Variants in ATP9B observed in about 807,000 individuals in gnomAD.
ATP9B encodes the protein probable phospholipid-transporting ATPase IIB.
Under a neutral mutation model 146.1 loss-of-function variants are expected in ATP9B, and 110 were observed. The observed-to-expected ratio is 0.75, with a 90% CI of 0.65 to 0.88. The LOEUF (loss-of-function observed/expected upper bound fraction) is 0.88, where lower values mean the gene tolerates loss of function less well. Ranked by LOEUF, ATP9B falls within the 40% of genes least tolerant of loss-of-function variation. The pLI, the probability that ATP9B is intolerant of heterozygous loss-of-function variation, is 0.00. For missense variants in ATP9B, 1,499 were observed against 1,496.4 expected (o/e 1.00, Z -0.03); for synonymous variants, 604 against 569.7 (o/e 1.06, Z -0.86).
At chr18:79,267,329 T>A (rs937099457) in intron 12 of ATP9B, among the ~76,000 whole-genome samples, 1 of 152,036 alleles carries the variant, frequency 6.6e-6, no homozygotes, top group African/African-American at 2.4e-5. Flanking sequence ...ACTCTTCCAA[T>A]AGGTTTGCCA....
chr18:79,082,262 T>A (rs1349002148), intron 1 of ATP9B, among the ~76,000 whole-genome samples: 1 of 152,246 alleles, frequency 6.6e-6, no homozygotes, highest in East Asian at 1.9e-4. Flanking sequence ...TCAGGTAATT[T>A]ATGTTCTTCT....
intron 5 of ATP9B, among the ~76,000 whole-genome samples, chr18:79,142,467 A>G (rs890307115): frequency 6.6e-6 from 1 of 152,198 alleles, no homozygotes. Context: ...GGTGAATTGG[A>G]TAGCTAGGAG....
Position 79,372,845 on chromosome 18 carries a change from A to C in ATP9B, c.3033A>C (p.Lys1011Asn). 1 of 1,611,940 alleles carries C rather than the reference A, an allele frequency of 6.2e-7. No homozygotes were observed. The change falls in exon 27 of 30, where the codon AAA becomes AAC. Residue 1011 changes from lysine (K) to asparagine (N), a missense_variant. Coordinates refer to ENST00000426216, the MANE Select transcript of ATP9B (RefSeq NM_198531.5). ...CCTAGGGAAGATCCTTGTCCTTCAAAACCTTCCTCATCTGGGTTTTAATAA... is the reference window on the plus strand; with the variant it reads ...CCTAGGGAAGATCCTTGTCCTTCAACACCTTCCTCATCTGGGTTTTAATAA... The part of the protein sequence containing the change: ...DLTKGRSLSF[K>N]TFLIWVLISI...
intron 1 of ATP9B, chr18:79,085,267 C>T (rs984071022): frequency 1.3e-5 from 2 of 152,214 alleles, no homozygotes; most frequent in African/African-American, 4.8e-5. Flanking sequence ...CACCCCCTAC[C>T]CCATGATTCA....
chr18:79,312,412 T>C (rs1223634021), intron 15 of ATP9B, among the ~76,000 whole-genome samples: 1 of 152,230 alleles, frequency 6.6e-6, no homozygotes, highest in Non-Finnish European at 1.5e-5. Flanking sequence ...ACTCGCTCGT[T>C]TGCTTCTTCT....
intron 15 of ATP9B, among the ~76,000 whole-genome samples, chr18:79,323,993 C>T (rs950594015): frequency 3.9e-5 from 6 of 152,210 alleles, no homozygotes; most frequent in Admixed American, 1.3e-4. Flanking sequence ...GCCGTTTTAA[C>T]TGGGGTGAGG....
rs562080185 is a variant in ATP9B at position 79,176,779 on chromosome 18, C to G, written c.779-34C>G. On this transcript the variant is annotated intron_variant, in intron 7 of 29. Transcript: ENST00000426216. ...TCAGGAAAAACCTTCTGTAACAATTCAAGAGTGGTAAATTTTTATTCTCTA... is the reference window on the plus strand; with the variant it reads ...TCAGGAAAAACCTTCTGTAACAATTGAAGAGTGGTAAATTTTTATTCTCTA... 7 of 1,580,794 alleles carry G rather than the reference C, an allele frequency of 4.4e-6. No homozygotes were observed. The African/African-American group carries it at 8.1e-5, about 18-fold the overall frequency.
chr18:79,236,838 C>T lies in ATP9B; in HGVS notation c.1108-16543C>T, dbSNP rs1457402261. 1.9e-3 allele frequency among the ~76,000 whole-genome samples: 262 copies of T among 141,348 alleles called. 1 individual carries two copies. The highest frequency in any genetic ancestry group is 3.2e-3 in the Non-Finnish European group (205 of 64,202). The allele number at this position is 141,348 out of a possible 152,430, so 92.7% of individuals were successfully genotyped here. A position where few individuals can be genotyped will look rare whatever the true frequency, so the allele number is the denominator to read the frequency against. The stretch of plus-strand genomic sequence containing the variant: ...TGCACGAGTCAGTGTCCACACCTGC[C>T]CCTTCCCCACTGTGTACACGGTCCG... On this transcript the variant is annotated intron_variant, in intron 11 of 29. Transcript: ENST00000426216.
chr18:79,376,096 G>A (rs960566262), intron 29 of ATP9B: 187 of 984,510 alleles, frequency 1.9e-4, no homozygotes, highest in Non-Finnish European at 2.2e-4. Flanking sequence ...ACCGGTCTGA[G>A]TATTTGTGTT....
intron 27 of ATP9B, among the ~76,000 whole-genome samples, chr18:79,373,459 C>T (rs1223606169): frequency 2.0e-5 from 3 of 148,128 alleles, no homozygotes; most frequent in African/African-American, 7.4e-5. Context: ...ACTTGTTCAT[C>T]AGCATGAAGC....
intron 1 of ATP9B, among the ~76,000 whole-genome samples, chr18:79,075,668 CTT>C (rs2072518918): frequency 6.6e-6 from 1 of 152,150 alleles, no homozygotes; most frequent in Non-Finnish European, 1.5e-5. Context: ...ATTTTCCATC[CTT>C]TCTCTCTCAA....
chr18:79,259,939 A>G lies in ATP9B; in HGVS notation c.1268+6398A>G, dbSNP rs537823145. On this transcript the variant is annotated intron_variant, in intron 12 of 29. Transcript: ENST00000426216. ...GTGTTTTCAACTTCTTTAGACCTAG[A>G]TTTGATATTCAGGTATTGATGATTT... Among the ~76,000 whole-genome samples, 5 of 152,224 alleles carry G rather than the reference A, an allele frequency of 3.3e-5. No individual in the cohort carries two copies. In the South Asian group the frequency reaches 1.0e-3, roughly 32 times the overall value.
chr18:79,242,372 G>A (rs115696678), intron 11 of ATP9B, among the ~76,000 whole-genome samples: 2,352 of 152,282 alleles, frequency 0.015, 69 homozygotes, highest in African/African-American at 0.054. Context: ...ACTGTCCCCC[G>A]TGGCACTGCA....
chr18:79,337,478 C>G (rs745718543), intron 19 of ATP9B, 29 bp downstream of exon 19: 1 of 1,593,758 alleles, frequency 6.3e-7, no homozygotes, highest in East Asian at 2.2e-5. Context: ...TGCTGGCGCG[C>G]GCTGCTTTTG....
chr18:79,323,595 T>C lies in ATP9B; in HGVS notation c.1774-5546T>C, dbSNP rs369058798. ...TGTGCCCGGCTGATTTCACTTAGCA[T>C]AATGTGCCCCTGTTCCATTCACATT... On this transcript the variant is annotated intron_variant, in intron 15 of 29. Coordinates refer to ENST00000426216, the MANE Select transcript of ATP9B (RefSeq NM_198531.5). Among the ~76,000 whole-genome samples, 366 of 152,356 alleles carry C rather than the reference T, an allele frequency of 2.4e-3. 1 individual carries two copies. Among genetic ancestry groups the C allele is most frequent in the South Asian group, 6.4e-3 (31 of 4,820 alleles).
chr18:79,295,255 A>G (rs2096539688), intron 13 of ATP9B, among the ~76,000 whole-genome samples: 1 of 152,228 alleles, frequency 6.6e-6, no homozygotes, highest in African/African-American at 2.4e-5. Flanking sequence ...TCACTGTTCA[A>G]ATCAACTGCC....
At chr18:79,349,933 C>T (rs551437171) in intron 25 of ATP9B, among the ~76,000 whole-genome samples, 49 of 143,352 alleles carry the variant, frequency 3.4e-4, no homozygotes, top group Admixed American at 2.7e-3. Context: ...CCCCAGGCTG[C>T]GCAGTTGTAT....
chr18:79,082,175 T>C (rs1366575506), intron 1 of ATP9B, among the ~76,000 whole-genome samples: 1 of 152,244 alleles, frequency 6.6e-6, no homozygotes. Flanking sequence ...ATCTCTGATA[T>C]AATTTCTTCC....
At chr18:79,105,355 T>A (rs1193219915) in intron 2 of ATP9B, among the ~76,000 whole-genome samples, 1 of 152,234 alleles carries the variant, frequency 6.6e-6, no homozygotes, top group Non-Finnish European at 1.5e-5. Context: ...ATGTTTGGAA[T>A]CTTGCAATAC....
Sources: gnomAD v4.1 joint callset for allele counts (sites outside exome capture counted in the v4.1 genomes callset) on GRCh38, gnomAD v4.1.1 for gene constraint, MANE v1.5 for transcripts, NCBI Gene and HGNC (gene_info 2026-07-23, HGNC 2026-07-21) for gene names.